Variants in NIPAL3 observed in about 807,000 individuals in gnomAD.
NIPAL3 encodes the protein NIPA like domain containing 3.
Under a neutral mutation model 47.2 loss-of-function variants are expected in NIPAL3, and 41 were observed. That is an observed-to-expected ratio of 0.87 (90% CI 0.68 to 1.13). NIPAL3 has a LOEUF of 1.13. Among genes scored for constraint, NIPAL3 ranks in the 50% most tolerant of loss-of-function variants. The probability of loss-of-function intolerance (pLI) is 0.00; values close to 1 mark genes in which losing one functional copy is unlikely to be tolerated. For synonymous variants in NIPAL3, 194 were observed against 209.6 expected, an observed-to-expected ratio of 0.93 and a Z score of 0.64; for missense variants, 449 against 530.1, an observed-to-expected ratio of 0.85 and a Z score of 1.50.
At chr1:24,445,142 G>A in intron 4 of NIPAL3, 43 bp from the exon 5 acceptor site, 1 of 1,445,588 alleles carries the variant, frequency 6.9e-7, no homozygotes, top group Non-Finnish European at 9.7e-7. Flanking sequence ...CCCTTTAGCT[G>A]ACAGCAGCCT....
intron 5 of NIPAL3, 30 bp downstream of exon 5, chr1:24,445,274 G>C: frequency 6.7e-7 from 1 of 1,482,982 alleles, no homozygotes. Context: ...CTGTGTCCTT[G>C]ATTTTATATG....
intron 4 of NIPAL3, 89 bp downstream of exon 4, chr1:24,442,315 C>A: frequency 7.0e-7 from 1 of 1,428,346 alleles, no homozygotes; most frequent in Non-Finnish European, 9.6e-7. Flanking sequence ...GCCCATTGAA[C>A]AAACCAGCTT....
intron 10 of NIPAL3, among the ~76,000 whole-genome samples, chr1:24,463,655 A>G (rs1267476134): frequency 1.3e-5 from 2 of 152,220 alleles, no homozygotes; most frequent in Non-Finnish European, 2.9e-5. Context: ...TTTACTATCT[A>G]TACTTCAGTA....
intron 10 of NIPAL3, among the ~76,000 whole-genome samples, chr1:24,461,768 C>T (rs1368216910): frequency 4.0e-5 from 6 of 151,760 alleles, no homozygotes; most frequent in Admixed American, 3.3e-4. Context: ...ACTCGGGAGG[C>T]TGAGGCAGGA....
In NIPAL3 at chr1:24,472,544, A is replaced by G. The variant is rs1646938652; in HGVS notation, c.*3359A>G. On this transcript the variant is annotated 3_prime_UTR_variant, in exon 12 of 12. Coordinates refer to ENST00000374399, the MANE Select transcript of NIPAL3 (RefSeq NM_020448.5). The stretch of plus-strand genomic sequence containing the variant: ...TTTGAGCAGCCCAGGTACCTAAAGC[A>G]AGGTCACCAAACTTGGGTTTAAACT... The G allele has an allele frequency of 1.3e-5, 2 of 152,308 alleles. No individual in the cohort carries two copies. Among genetic ancestry groups the G allele is most frequent in the African/African-American group, 4.8e-5 (2 of 41,564 alleles). The allele number at this position is 152,308 out of a possible 1,614,324, so 9.4% of individuals were successfully genotyped here.
In NIPAL3 at chr1:24,419,500, A is replaced by G; in HGVS notation, c.-48A>G. On this transcript the variant is annotated 5_prime_UTR_variant, in exon 2 of 12. Transcript: ENST00000374399. ...TCTGGCCTGGGCCCCGCCTAGCAGCAGCTCCACCTCCTAGGCCAGGCCCTG... is the reference window on the plus strand; with the variant it reads ...TCTGGCCTGGGCCCCGCCTAGCAGCGGCTCCACCTCCTAGGCCAGGCCCTG... The G allele has an allele frequency of 6.5e-7, 1 of 1,532,270 alleles. No individual in the cohort carries two copies. 94.9% of individuals were successfully genotyped at this position (1,532,270 alleles called of 1,614,324 possible).
rs1299561489 is a variant in NIPAL3 at position 24,472,671 on chromosome 1, G to A, written c.*3486G>A. Reference sequence around the variant, plus strand: ...GCTGACTCTCCATTGCTTTTCTAGTGGAAACCAGCCAGTTTGACGGCACGG... The same window carrying A: ...GCTGACTCTCCATTGCTTTTCTAGTAGAAACCAGCCAGTTTGACGGCACGG... On this transcript the variant is annotated 3_prime_UTR_variant, in exon 12 of 12. Coordinates refer to ENST00000374399, the MANE Select transcript of NIPAL3 (RefSeq NM_020448.5). The A allele has an allele frequency of 6.6e-6, 1 of 152,086 alleles. No homozygotes were observed. The highest frequency in any genetic ancestry group is 1.5e-5 in the Non-Finnish European group (1 of 68,020). 9.4% of individuals were successfully genotyped at this position (152,086 alleles called of 1,614,324 possible). A position where few individuals can be genotyped will look rare whatever the true frequency, so the allele number is the denominator to read the frequency against.
intron 8 of NIPAL3, among the ~76,000 whole-genome samples, chr1:24,457,208 A>T (rs897707602): frequency 6.6e-6 from 1 of 152,104 alleles, no homozygotes; most frequent in African/African-American, 2.4e-5. Context: ...TCATTTCTTG[A>T]CTTCAGTATA....
At chr1:24,422,078 T>C (rs781683528) in intron 2 of NIPAL3, 9 of 152,346 alleles carry the variant, frequency 5.9e-5, no homozygotes, top group Non-Finnish European at 1.2e-4. Context: ...ATGGAAATTA[T>C]GAACATTTGT....
intron 5 of NIPAL3, among the ~76,000 whole-genome samples, chr1:24,445,472 C>A (rs564396177): frequency 6.6e-6 from 1 of 152,128 alleles, no homozygotes; most frequent in Non-Finnish European, 1.5e-5. Flanking sequence ...CTTTTATCCA[C>A]CCCATTGGAT....
intron 11 of NIPAL3, among the ~76,000 whole-genome samples, chr1:24,468,661 C>T (rs866839971): frequency 2.0e-5 from 3 of 152,184 alleles, no homozygotes; most frequent in Non-Finnish European, 4.4e-5. Context: ...GCATCTACCA[C>T]GTTCAAAGCA....
In NIPAL3 at chr1:24,454,153, A is replaced by G. The variant is rs1202799494; in HGVS notation, c.637+649A>G. ...GTGATCCCCCTGCCTCGGCCTCCCA[A>G]AGTGCCAGGATTACAGGCATGAGGC... On this transcript the variant is annotated intron_variant, in intron 7 of 11. Coordinates refer to ENST00000374399, the MANE Select transcript of NIPAL3 (RefSeq NM_020448.5). The surrounding 1 kb of genome is among the most constrained non-coding windows in gnomAD (Gnocchi z 4.1). The G allele has an allele frequency of 1.0e-5, 13 of 1,242,444 alleles. No homozygotes were observed. The highest frequency in any genetic ancestry group is 9.5e-5 in the African/African-American group (6 of 63,448). The allele number at this position is 1,242,444 out of a possible 1,614,324, so 77.0% of individuals were successfully genotyped here.
At chr1:24,467,480 A>AT (rs1646748199) in intron 11 of NIPAL3, among the ~76,000 whole-genome samples, 1 of 152,110 alleles carries the variant, frequency 6.6e-6, no homozygotes, top group Non-Finnish European at 1.5e-5. Context: ...CCGTCTCAAA[A>AT]AAAATAAATA....
At chr1:24,461,588 C>T (rs560590236) in intron 10 of NIPAL3, among the ~76,000 whole-genome samples, 54 of 149,190 alleles carry the variant, frequency 3.6e-4, no homozygotes, top group Admixed American at 6.0e-4. Flanking sequence ...TGGCCTTGGC[C>T]GGGTGCAGTG....
intron 11 of NIPAL3, 38 bp downstream of exon 11, chr1:24,464,158 T>A: frequency 6.6e-7 from 1 of 1,512,374 alleles, no homozygotes; most frequent in Non-Finnish European, 9.1e-7. Context: ...TGAACATCCA[T>A]ATAGAATGAC....
rs1645419984 is a variant in NIPAL3, at chr1:24,442,119, G to T, written c.227G>T (p.Trp76Leu). 1.2e-6 allele frequency: 2 copies of T among 1,614,190 alleles called. No homozygotes were observed. Among genetic ancestry groups the T allele is most frequent in the Non-Finnish European group, 1.7e-6 (2 of 1,180,022 alleles). The part of the protein sequence containing the change: ...DPRAYFKTKT[W>L]WLGLFLMLLG... ...CGGGCCTATTTCAAGACCAAGACAT[G>T]GTGGCTGGGCCTGTTCCTGATGCTT... is the stretch of plus-strand genomic sequence containing the variant. The change falls in exon 4 of 12, where the codon TGG becomes TTG. Residue 76 changes from tryptophan to leucine, a missense_variant. Transcript: ENST00000374399.
chr1:24,441,734 G>A (rs1254774018), intron 3 of NIPAL3, among the ~76,000 whole-genome samples: 1 of 152,206 alleles, frequency 6.6e-6, no homozygotes, highest in African/African-American at 2.4e-5. Context: ...TGCATTGCCT[G>A]TGACGTGCAT....
intron 11 of NIPAL3, chr1:24,466,258 C>A: frequency 3.5e-6 from 2 of 577,150 alleles, no homozygotes; most frequent in East Asian, 2.9e-5. Flanking sequence ...TGTGATGGAT[C>A]AGGACACAAG....
At chr1:24,439,424 T>G (rs552173415) in intron 2 of NIPAL3, among the ~76,000 whole-genome samples, 1 of 152,300 alleles carries the variant, frequency 6.6e-6, no homozygotes, top group Admixed American at 6.5e-5. Flanking sequence ...TCCATTGATA[T>G]GTAAATTTAT....
Sources: gnomAD v4.1 joint callset for allele counts (sites outside exome capture counted in the v4.1 genomes callset) on GRCh38, gnomAD v4.1.1 for gene constraint, Gnocchi (gnomAD v3.1) non-coding constraint, MANE v1.5 for transcripts, NCBI Gene and HGNC (gene_info 2026-07-23, HGNC 2026-07-21) for gene names.